TYW1: variants seen among roughly 807,000 people sequenced by gnomAD.
The protein encoded by TYW1 is S-adenosyl-L-methionine-dependent tRNA 4-demethylwyosine synthase TYW1.
Under a neutral mutation model 96.2 loss-of-function variants are expected in TYW1, and 46 were observed. The observed-to-expected ratio is 0.48, with a 90% CI of 0.38 to 0.61. The LOEUF is 0.61. Ranked by LOEUF, TYW1 falls within the 20% of genes least tolerant of loss-of-function variation. The probability of loss-of-function intolerance (pLI) is 0.00; values close to 1 mark genes in which losing one functional copy is unlikely to be tolerated. For synonymous variants in TYW1, 274 were observed against 323.0 expected (o/e 0.85, Z 1.63); for missense variants, 684 against 909.6 (o/e 0.75, Z 3.19).
At position 67,051,077 on chromosome 7, in the gene TYW1, C is replaced by T. The variant is rs111360017; in HGVS notation, c.1102+1011C>T. 4.7e-4 allele frequency among the ~76,000 whole-genome samples: 72 copies of T among 152,124 alleles called. 1 individual carries two copies. Among genetic ancestry groups the T allele is most frequent in the African/African-American group, 1.7e-3 (69 of 41,518 alleles). On this transcript the variant is annotated intron_variant, in intron 8 of 15. Transcript: ENST00000359626. ...CAGCTAATTTTTTTGCCATGTTGGC[C>T]ATGCTGGTCTTGAACTCCTGGCCTC...
At chr7:67,092,674 C>CT (rs3980762) in intron 11 of TYW1, among the ~76,000 whole-genome samples, 16,210 of 91,836 alleles carry the variant, frequency 0.18, 4,131 homozygotes, top group Non-Finnish European at 0.21. Context: ...CTATCACCTT[C>CT]TTTTTTTTTT....
intron 13 of TYW1, among the ~76,000 whole-genome samples, chr7:67,158,686 C>T (rs1799063115): frequency 6.6e-6 from 1 of 152,192 alleles, no homozygotes; most frequent in Non-Finnish European, 1.5e-5. Context: ...TCTCCTGCCT[C>T]AGCCTACCGT....
intron 13 of TYW1, among the ~76,000 whole-genome samples, chr7:67,152,563 C>G (rs983701875): frequency 9.2e-5 from 14 of 152,120 alleles, no homozygotes; most frequent in Non-Finnish European, 1.5e-4. Context: ...GTATTTTGAA[C>G]TCAACGTGCT....
chr7:67,190,962 A>ATG (rs200481648), intron 14 of TYW1, among the ~76,000 whole-genome samples: 6,151 of 152,256 alleles, frequency 0.04, 185 homozygotes, highest in Middle Eastern at 0.099. Flanking sequence ...AGTGAGGAAG[A>ATG]CTTTATGGCC....
chr7:67,000,183 G>A (rs1466832379), intron 3 of TYW1, among the ~76,000 whole-genome samples: 4 of 152,070 alleles, frequency 2.6e-5, no homozygotes, highest in East Asian at 1.9e-4. Flanking sequence ...CAATCTGCCC[G>A]CCTCGGCCTC....
intron 7 of TYW1, among the ~76,000 whole-genome samples, chr7:67,038,553 C>T (rs1327795086): frequency 1.3e-5 from 2 of 152,030 alleles, no homozygotes; most frequent in Non-Finnish European, 2.9e-5. Context: ...CTGCAGTGAG[C>T]TATGATCGCA....
intron 13 of TYW1, among the ~76,000 whole-genome samples, chr7:67,154,030 C>G (rs1394757078): frequency 6.6e-6 from 1 of 151,286 alleles, no homozygotes; most frequent in East Asian, 1.9e-4. Flanking sequence ...TGGGTTCACA[C>G]CATTCTCAGC....
At chr7:67,127,500 C>T (rs1289247307) in intron 13 of TYW1, among the ~76,000 whole-genome samples, 1 of 152,108 alleles carries the variant, frequency 6.6e-6, no homozygotes, top group Non-Finnish European at 1.5e-5. Context: ...TCCCTCCTGT[C>T]CTTGTATCAT....
chr7:67,210,873 T>A (rs1800988685), intron 15 of TYW1, among the ~76,000 whole-genome samples: 2 of 148,986 alleles, frequency 1.3e-5, no homozygotes, highest in South Asian at 4.4e-4. Flanking sequence ...ATCATCTATC[T>A]ATCCATCTGT....
intron 12 of TYW1, among the ~76,000 whole-genome samples, chr7:67,100,850 C>CA (rs57665696): frequency 0.21 from 16,131 of 75,420 alleles, 2,239 homozygotes; most frequent in Non-Finnish European, 0.28. Flanking sequence ...GGCTACAGAG[C>CA]AAAAAAAAAA....
At chr7:67,080,510 A>G (rs1222308466) in intron 10 of TYW1, among the ~76,000 whole-genome samples, 2 of 151,724 alleles carry the variant, frequency 1.3e-5, no homozygotes, top group Non-Finnish European at 2.9e-5. Context: ...GGTTCAAGCA[A>G]TTCTTCTGCC....
intron 13 of TYW1, among the ~76,000 whole-genome samples, chr7:67,177,289 T>C (rs1446871837): frequency 6.6e-6 from 1 of 151,758 alleles, no homozygotes; most frequent in African/African-American, 2.4e-5. Flanking sequence ...CTTATCTTCA[T>C]GCTCTTGATA....
rs531064967 is a variant in TYW1 at position 67,235,554 on chromosome 7, C to T, written c.1978-2754C>T. 1.1e-4 allele frequency among the ~76,000 whole-genome samples: 17 copies of T among 152,148 alleles called. No homozygotes were observed. The East Asian group carries it at 1.2e-3, about 10-fold the overall frequency. On this transcript the variant is annotated intron_variant, in intron 15 of 15. Transcript: ENST00000359626. ...ATCATGTCTCAAGATGTCAGTAGAA[C>T]GGGTGGAATTTTGATTCTTTGTATG...
At chr7:67,069,982 G>A (rs796838892) in intron 10 of TYW1, among the ~76,000 whole-genome samples, 28 of 152,246 alleles carry the variant, frequency 1.8e-4, no homozygotes, top group African/African-American at 6.7e-4. Flanking sequence ...CTTCAGTTTT[G>A]AAGAATTGTT....
intron 14 of TYW1, among the ~76,000 whole-genome samples, chr7:67,187,045 C>T (rs564916142): frequency 4.9e-4 from 69 of 139,404 alleles, no homozygotes; most frequent in Admixed American, 1.0e-3. Flanking sequence ...TGTATAACCA[C>T]AATTAAATTT....
intron 13 of TYW1, among the ~76,000 whole-genome samples, chr7:67,132,156 G>C (rs10261715): frequency 0.23 from 31,748 of 136,272 alleles, 4,521 homozygotes; most frequent in African/African-American, 0.38. Context: ...GTTGCCCAGG[G>C]TGGAGTGCCA....
chr7:67,155,555 T>C (rs1017149098), intron 13 of TYW1, among the ~76,000 whole-genome samples: 2 of 141,550 alleles, frequency 1.4e-5, no homozygotes, highest in African/African-American at 5.6e-5. Context: ...CAGCTTTAGG[T>C]ATTCTTTTTT....
chr7:67,099,891 A>G (rs1003237101), intron 12 of TYW1, among the ~76,000 whole-genome samples: 13 of 152,080 alleles, frequency 8.5e-5, no homozygotes, highest in Admixed American at 3.3e-4. Context: ...AATCCCAGCT[A>G]CTCGGGAGGC....
chr7:67,184,357 A>T (rs1317822557), intron 14 of TYW1, among the ~76,000 whole-genome samples: 2 of 151,970 alleles, frequency 1.3e-5, no homozygotes, highest in Non-Finnish European at 2.9e-5. Flanking sequence ...GAGAAGATTG[A>T]TTAAATTCAG....
Sources: gnomAD v4.1 joint callset for allele counts (sites outside exome capture counted in the v4.1 genomes callset) on GRCh38, gnomAD v4.1.1 for gene constraint, MANE v1.5 for transcripts, NCBI Gene and HGNC (gene_info 2026-07-23, HGNC 2026-07-21) for gene names.